The following BCAR3 variants were observed in gnomAD, a reference collection of about 807,000 sequenced individuals.
BCAR3 encodes the protein breast cancer anti-estrogen resistance protein 3.
In BCAR3, 37 loss-of-function variants were observed where a neutral mutation model predicts 80.1. That is an observed-to-expected ratio of 0.46 (90% CI 0.36 to 0.61). The LOEUF (loss-of-function observed/expected upper bound fraction) is 0.61. BCAR3 is among the 20% of genes least tolerant of loss of function. BCAR3 has a pLI of 0.00. For missense variants in BCAR3, 978 were observed against 1,068.2 expected, an observed-to-expected ratio of 0.92 and a Z score of 1.18; for synonymous variants, 389 against 418.9, an observed-to-expected ratio of 0.93 and a Z score of 0.87.
At chr1:93,631,946 T>C (rs1044425559) in intron 3 of BCAR3, among the ~76,000 whole-genome samples, 9 of 152,150 alleles carry the variant, frequency 5.9e-5, no homozygotes, top group Non-Finnish European at 1.2e-4. Context: ...AAGCAGTGTC[T>C]GGCCTGAGGA....
At chr1:93,737,896 G>C (rs1447781894) in intron 2 of BCAR3, among the ~76,000 whole-genome samples, 1 of 152,204 alleles carries the variant, frequency 6.6e-6, no homozygotes, top group African/African-American at 2.4e-5. Context: ...GCAGTGATGT[G>C]ATCATAGCTC....
At chr1:93,798,267 G>C (rs182763754) in intron 2 of BCAR3, among the ~76,000 whole-genome samples, 1 of 152,136 alleles carries the variant, frequency 6.6e-6, no homozygotes, top group South Asian at 2.1e-4. Context: ...TGCTTTTTCC[G>C]CTTTGGAGCC....
intron 2 of BCAR3, among the ~76,000 whole-genome samples, chr1:93,653,984 T>G (rs1189840151): frequency 1.3e-5 from 2 of 151,956 alleles, no homozygotes; most frequent in African/African-American, 4.8e-5. Context: ...CACAATTTGC[T>G]CTCTACCCAG....
chr1:93,620,739 G>A (rs1675280741), intron 3 of BCAR3, among the ~76,000 whole-genome samples: 1 of 152,144 alleles, frequency 6.6e-6, no homozygotes, highest in South Asian at 2.1e-4. Context: ...CCTCTCACAT[G>A]CCGACTCCTT....
chr1:93,641,656 T>C (rs1675980839), intron 3 of BCAR3, among the ~76,000 whole-genome samples: 1 of 152,206 alleles, frequency 6.6e-6, no homozygotes, highest in African/African-American at 2.4e-5. Context: ...TGACCGCCAG[T>C]CCGGCTGGAA....
intron 3 of BCAR3, among the ~76,000 whole-genome samples, chr1:93,624,978 A>G (rs768440947): frequency 2.0e-5 from 3 of 152,180 alleles, no homozygotes; most frequent in Non-Finnish European, 4.4e-5. Flanking sequence ...TGGGAGGCCG[A>G]GGAGGGCGGA....
At chr1:93,762,428 A>G (rs7515462) in intron 2 of BCAR3, among the ~76,000 whole-genome samples, 45,052 of 152,066 alleles carry the variant, frequency 0.3, 9,202 homozygotes, top group African/African-American at 0.58. Flanking sequence ...GTCAGAACTC[A>G]GAACCATTCT....
At position 93,765,599 on chromosome 1, in the gene BCAR3, T is replaced by C. The variant is rs1274640578; in HGVS notation, c.-62-59457A>G. 2.6e-5 allele frequency among the ~76,000 whole-genome samples: 4 copies of C among 151,808 alleles called. No individual in the cohort carries two copies. In the East Asian group the frequency reaches 7.7e-4, roughly 29 times the overall value. ...ATCACCTCTCAAAGTTTCCTCCCAC[T>C]CCCTTTATTATTATTATCATTATTT... On this transcript the variant is annotated intron_variant, in intron 2 of 13. Transcript: ENST00000370244.
rs1023780804 is a variant in BCAR3, at chr1:93,783,963, C to T, written c.-63+61604G>A. Reference sequence around the variant, plus strand: ...CTCTCTTGTCTGGTTTTCTCTCTTGCGATGTTTACCCTTAGAACTCATCCA... The same window carrying T: ...CTCTCTTGTCTGGTTTTCTCTCTTGTGATGTTTACCCTTAGAACTCATCCA... On this transcript the variant is annotated intron_variant, in intron 2 of 13. Coordinates refer to the BCAR3 transcript ENST00000370244. Among the ~76,000 whole-genome samples, 7 of 152,134 alleles carry T rather than the reference C, an allele frequency of 4.6e-5. No individual in the cohort carries two copies. The South Asian group carries it at 8.3e-4, about 18-fold the overall frequency.
chr1:93,642,430 A>G (rs956493849), intron 2 of BCAR3, 87 bp from the exon 3 acceptor site: 19 of 1,322,098 alleles, frequency 1.4e-5, no homozygotes, highest in Non-Finnish European at 2.1e-5. Context: ...ATTTCACCCT[A>G]TTCACTAAGT....
At chr1:93,621,802 C>T (rs236311) in intron 3 of BCAR3, among the ~76,000 whole-genome samples, 1 of 151,944 alleles carries the variant, frequency 6.6e-6, no homozygotes, top group African/African-American at 2.4e-5. Context: ...AGCCTGCAGC[C>T]GTCACAGATA....
intron 2 of BCAR3, among the ~76,000 whole-genome samples, chr1:93,805,554 T>C (rs1653628868): frequency 6.7e-6 from 1 of 148,382 alleles, no homozygotes. Flanking sequence ...GATTTGGAAG[T>C]CCAGAGTGAA....
intron 3 of BCAR3, among the ~76,000 whole-genome samples, chr1:93,698,687 G>T (rs1571055986): frequency 6.6e-6 from 1 of 152,220 alleles, no homozygotes; most frequent in Admixed American, 6.5e-5. Context: ...TCCTTAGTCT[G>T]CCCTGTGACT....
At chr1:93,688,750 C>T in intron 3 of BCAR3, among the ~76,000 whole-genome samples, 1 of 151,572 alleles carries the variant, frequency 6.6e-6, no homozygotes, top group East Asian at 1.9e-4. Context: ...CGTGTGCCAC[C>T]ACACCTGGCT....
chr1:93,823,374 G>A lies in BCAR3; in HGVS notation c.-63+22193C>T, dbSNP rs1276294696. ...CATGTTATAAAATTCCTCCAGGAGTGTAGGAAGGTGAATGAGGAGAAGCTG... is the reference window on the plus strand; with the variant it reads ...CATGTTATAAAATTCCTCCAGGAGTATAGGAAGGTGAATGAGGAGAAGCTG... On this transcript the variant is annotated intron_variant, in intron 2 of 13. Transcript: ENST00000370244. Among the ~76,000 whole-genome samples the A allele has an allele frequency of 3.0e-5, 4 of 133,938 alleles. 1 individual carries two copies. The highest frequency in any genetic ancestry group is 5.0e-5 in the African/African-American group (2 of 39,758). 87.9% of individuals were successfully genotyped at this position (133,938 alleles called of 152,430 possible). A position where few individuals can be genotyped will look rare whatever the true frequency, so the allele number is the denominator to read the frequency against.
At chr1:93,846,750 C>G (rs1414233860) in intron 1 of BCAR3, 2 of 404,766 alleles carry the variant, frequency 4.9e-6, no homozygotes, top group African/African-American at 4.5e-5. Context: ...GCCCCGGGCG[C>G]GCGGGCTCGG....
chr1:93,573,609 T>TTTTTTATTATTATTA lies in BCAR3; in HGVS notation c.1803-1769_1803-1768insTAATAATAATAAAAA, dbSNP rs760911546. ...TCCAAACATAGACCTAAAATATATT[T>TTTTTTATTATTATTA]TTATTATTATTATTATTATTATTAT... On this transcript the variant is annotated intron_variant, in intron 8 of 11. Coordinates refer to ENST00000260502, the MANE Select transcript of BCAR3 (RefSeq NM_003567.4). Among the ~76,000 whole-genome samples the TTTTTTATTATTATTA allele has an allele frequency of 7.6e-3, 1,083 of 142,752 alleles. 17 individuals carry two copies. Among genetic ancestry groups the TTTTTTATTATTATTA allele is most frequent in the African/African-American group, 0.027 (1,009 of 37,120 alleles). The allele number at this position is 142,752 out of a possible 152,430, so 93.7% of individuals were successfully genotyped here.
chr1:93,845,046 G>A (rs532764179), intron 2 of BCAR3, among the ~76,000 whole-genome samples: 3 of 152,106 alleles, frequency 2.0e-5, no homozygotes, highest in African/African-American at 7.2e-5. Context: ...AAAATTATTC[G>A]TTTGAATCAT....
chr1:93,614,889 C>T (rs986881461), intron 3 of BCAR3, among the ~76,000 whole-genome samples: 4 of 152,166 alleles, frequency 2.6e-5, no homozygotes, highest in African/African-American at 9.7e-5. Context: ...AAGCAAGGCC[C>T]TCCTGGATTC....
Sources: allele counts gnomAD v4.1 joint callset (sites outside exome capture counted in the v4.1 genomes callset), GRCh38; gene constraint gnomAD v4.1.1; transcripts MANE v1.5; gene names NCBI Gene and HGNC (gene_info 2026-07-23, HGNC 2026-07-21).